Variants in FRYL observed in about 807,000 individuals in gnomAD.
FRYL encodes the protein protein furry homolog-like.
Under a neutral mutation model 351.2 loss-of-function variants are expected in FRYL, and 150 were observed. The ratio of observed to expected loss-of-function variants is 0.43; its 90% CI spans 0.37 to 0.49. FRYL has a LOEUF of 0.49. FRYL is among the 20% of genes least tolerant of loss of function. The pLI is 0.00. For missense variants in FRYL, 3,036 were observed against 3,619.3 expected (o/e 0.84, Z 4.13); for synonymous variants, 1,153 against 1,257.1 (o/e 0.92, Z 1.75).
At chr4:48,538,246 C>T (rs1267897469) in intron 47 of FRYL, among the ~76,000 whole-genome samples, 4 of 152,060 alleles carry the variant, frequency 2.6e-5, no homozygotes, top group Non-Finnish European at 5.9e-5. Context: ...CCTACCACCA[C>T]CATTTTTATT....
At position 48,733,189 on chromosome 4, in the gene FRYL, T is replaced by G. The variant is rs1376116390; in HGVS notation, c.-383-22491A>C. On this transcript the variant is annotated intron_variant, in intron 1 of 63. Coordinates refer to ENST00000358350, the MANE Select transcript of FRYL (RefSeq NM_015030.2). Reference sequence around the variant, plus strand: ...ACTCGGGAGGCTGAGGAAGAAGAATTGCTTGTACTCGGGAGGTGGAGACTG... The same window carrying G: ...ACTCGGGAGGCTGAGGAAGAAGAATGGCTTGTACTCGGGAGGTGGAGACTG... Among the ~76,000 whole-genome samples, 10 of 151,814 alleles carry G rather than the reference T, an allele frequency of 6.6e-5. No individual in the cohort carries two copies. The East Asian group carries it at 9.7e-4, about 15-fold the overall frequency.
At chr4:48,640,473 T>C (rs1190512876) in intron 3 of FRYL, among the ~76,000 whole-genome samples, 1 of 152,088 alleles carries the variant, frequency 6.6e-6, no homozygotes, top group Non-Finnish European at 1.5e-5. Context: ...GTCAATAAAA[T>C]GATCAGTGAT....
rs1553913443 is a variant in FRYL, at chr4:48,507,532, AAAC to A, written c.8395-1920_8395-1918del. On this transcript the variant is annotated intron_variant, in intron 59 of 63. Transcript: ENST00000358350. The stretch of plus-strand genomic sequence containing the variant: ...CCTATCGGCCAAAACTCACTCAAAC[AAAC>A]AGTTAGTTAGTTAGAGAAAAGTACC... 6.3e-3 allele frequency among the ~76,000 whole-genome samples: 409 copies of A among 65,398 alleles called. 7 individuals are homozygous for A. In the East Asian group the frequency reaches 0.12, roughly 20 times the overall value. 42.9% of individuals were successfully genotyped at this position (65,398 alleles called of 152,430 possible). A position where few individuals can be genotyped will look rare whatever the true frequency, so the allele number is the denominator to read the frequency against.
intron 61 of FRYL, among the ~76,000 whole-genome samples, chr4:48,502,489 G>A (rs1297460649): frequency 6.7e-6 from 1 of 150,046 alleles, no homozygotes; most frequent in East Asian, 1.9e-4. Flanking sequence ...AGGTTGCAGT[G>A]AGCCGAGATC....
chr4:48,581,402 GAAATACCT>G lies in FRYL; in HGVS notation c.2172+10_2172+17del. 1 of 1,591,566 alleles carries G rather than the reference GAAATACCT, an allele frequency of 6.3e-7. No individual in the cohort carries two copies. The highest frequency in any genetic ancestry group is 8.6e-7 in the Non-Finnish European group (1 of 1,167,682). ...AAGTACTTTCAATAGATAACTGAAT[GAAATACCT>G]AAATCTTACCTTAGGTATTTCCAGA... On this transcript the variant is annotated intron_variant, in intron 21 of 63. Transcript: ENST00000358350.
Position 48,540,569 on chromosome 4 carries a change from T to C in FRYL, c.6079A>G (p.Asn2027Asp). ...YEYLLALRLL[N>D]KLLIHLPLDK... ...AAAGGCAAATGGATAAGCAGTTTGT[T>C]GAGAAGCCTGAGAGCCAGGAGGTAT... Residue 2027 changes from asparagine (N) to aspartate (D), a missense_variant, in exon 46 of 64, where the codon AAC becomes GAC. Transcript: ENST00000358350. 5 of 1,613,808 alleles carry C rather than the reference T, an allele frequency of 3.1e-6. No homozygotes were observed. The highest frequency in any genetic ancestry group is 4.2e-6 in the Non-Finnish European group (5 of 1,179,748).
intron 33 of FRYL, among the ~76,000 whole-genome samples, chr4:48,558,092 TCAAA>T (rs1204713180): frequency 1.3e-5 from 2 of 151,990 alleles, no homozygotes; most frequent in African/African-American, 4.8e-5. Context: ...AAGCAGAAAC[TCAAA>T]CAAATATTTG....
chr4:48,667,859 G>C (rs1762008167), intron 3 of FRYL, among the ~76,000 whole-genome samples: 1 of 152,206 alleles, frequency 6.6e-6, no homozygotes, highest in South Asian at 2.1e-4. Flanking sequence ...TGTTGGCCAT[G>C]CTGGTCTCAA....
intron 3 of FRYL, among the ~76,000 whole-genome samples, chr4:48,672,752 C>T (rs1762938613): frequency 6.6e-6 from 1 of 152,170 alleles, no homozygotes. Context: ...TGTCAGAAAC[C>T]TCAACTCAAT....
intron 2 of FRYL, among the ~76,000 whole-genome samples, chr4:48,694,960 G>A (rs1156451159): frequency 6.6e-6 from 1 of 152,086 alleles, no homozygotes; most frequent in Non-Finnish European, 1.5e-5. Flanking sequence ...GTAGTCCCAG[G>A]CTAAGGTGAG....
chr4:48,546,672 G>A, intron 41 of FRYL: 2 of 189,866 alleles, frequency 1.1e-5, no homozygotes, highest in Non-Finnish European at 2.2e-5. Flanking sequence ...TTGCAGAAAG[G>A]CTCATCTATC....
chr4:48,537,061 G>C (rs1729051107), intron 47 of FRYL, among the ~76,000 whole-genome samples: 1 of 152,118 alleles, frequency 6.6e-6, no homozygotes, highest in Non-Finnish European at 1.5e-5. Context: ...GAAAAAATGG[G>C]TTGGTATCTC....
chr4:48,620,590 T>C (rs751197562), intron 6 of FRYL, 49 bp downstream of exon 6: 7 of 1,540,996 alleles, frequency 4.5e-6, no homozygotes, highest in African/African-American at 2.7e-5. Flanking sequence ...CACCCCTTCA[T>C]TGGAAGTGTG....
At chr4:48,677,490 A>G (rs1395893920) in intron 3 of FRYL, among the ~76,000 whole-genome samples, 1 of 151,344 alleles carries the variant, frequency 6.6e-6, no homozygotes, top group Non-Finnish European at 1.5e-5. Flanking sequence ...GGCTCACTGC[A>G]ACCTCATCCT....
At chr4:48,545,130 A>G (rs553705681) in intron 42 of FRYL, among the ~76,000 whole-genome samples, 1 of 152,372 alleles carries the variant, frequency 6.6e-6, no homozygotes, top group South Asian at 2.1e-4. Flanking sequence ...TCTCAGACGT[A>G]GTAGAAAAAG....
chr4:48,734,700 T>C (rs1438631135), intron 1 of FRYL, among the ~76,000 whole-genome samples: 5 of 152,178 alleles, frequency 3.3e-5, no homozygotes, highest in Non-Finnish European at 1.5e-5. Context: ...CTTTAATCCA[T>C]CTTGAATTGA....
At chr4:48,559,151 T>C (rs1383509343) in intron 33 of FRYL, among the ~76,000 whole-genome samples, 4 of 152,164 alleles carry the variant, frequency 2.6e-5, no homozygotes, top group African/African-American at 4.8e-5. Context: ...ATAATGCCAA[T>C]GAAGTGCTCA....
chr4:48,581,367 G>C, intron 21 of FRYL, 53 bp downstream of exon 21: 21 of 1,482,558 alleles, frequency 1.4e-5, no homozygotes, highest in Non-Finnish European at 1.8e-5. Flanking sequence ...TGGACAAAGA[G>C]ATGGTTTTTA....
intron 4 of FRYL, among the ~76,000 whole-genome samples, chr4:48,630,266 T>C (rs767589725): frequency 3.3e-5 from 5 of 152,152 alleles, no homozygotes; most frequent in Non-Finnish European, 5.9e-5. Context: ...TCTTAAAATA[T>C]AACAAGTTAA....
Sources: allele counts gnomAD v4.1 joint callset (sites outside exome capture counted in the v4.1 genomes callset), GRCh38; gene constraint gnomAD v4.1.1; transcripts MANE v1.5; gene names NCBI Gene and HGNC (gene_info 2026-07-23, HGNC 2026-07-21).